The following PARD3 variants were observed in gnomAD, a reference collection of about 807,000 sequenced individuals.
PARD3 encodes partitioning defective 3 homolog.
In PARD3, 75 loss-of-function variants were observed where a neutral mutation model predicts 155.4. That is an observed-to-expected ratio of 0.48 (90% CI 0.40 to 0.58). PARD3 has a LOEUF of 0.58. PARD3 is among the 20% of genes least tolerant of loss of function. PARD3 has a pLI of 0.00. For missense variants in PARD3, 1,642 were observed against 1,721.7 expected, an observed-to-expected ratio of 0.95 and a Z score of 0.82; for synonymous variants, 576 against 610.5, an observed-to-expected ratio of 0.94 and a Z score of 0.83.
chr10:34,372,409 G>A (rs770915987), intron 12 of PARD3, 89 bp downstream of exon 12: 2 of 994,664 alleles, frequency 2.0e-6, no homozygotes, highest in Non-Finnish European at 3.2e-6. Context: ...GGAAAAGGCA[G>A]GACAAGTAAC....
At chr10:34,538,260 T>C (rs116496048) in intron 2 of PARD3, among the ~76,000 whole-genome samples, 2,081 of 152,332 alleles carry the variant, frequency 0.014, 54 homozygotes, top group African/African-American at 0.046. Context: ...AAATATTCCA[T>C]GTGAGATCTT....
chr10:34,735,403 C>T (rs942760773), intron 1 of PARD3, among the ~76,000 whole-genome samples: 4 of 152,222 alleles, frequency 2.6e-5, no homozygotes, highest in Non-Finnish European at 4.4e-5. Flanking sequence ...TATGCAATAA[C>T]GATTACAGGA....
chr10:34,450,307 G>C lies in PARD3; in HGVS notation c.714+10C>G. The C allele has an allele frequency of 1.2e-6, 2 of 1,611,450 alleles. No individual in the cohort carries two copies. The highest frequency in any genetic ancestry group is 1.7e-6 in the Non-Finnish European group (2 of 1,179,092). On this transcript the variant is annotated intron_variant, in intron 5 of 24. Transcript: ENST00000374788. The stretch of plus-strand genomic sequence containing the variant: ...AGCAATGACGCACATATAAGGATTT[G>C]TCATGTTACCTGTTCTTGTTTCTCC...
In PARD3 at chr10:34,476,520, C is replaced by T. The variant is rs76613287; in HGVS notation, c.404-6257G>A. 3.2e-3 allele frequency among the ~76,000 whole-genome samples: 483 copies of T among 152,224 alleles called. 1 individual carries two copies. The highest frequency in any genetic ancestry group is 0.011 in the African/African-American group (467 of 41,526). ...GATCCCTTAGGGCCCAGAGACCACA[C>T]GCTAAGAACCACTGGCCTAGACCTG... On this transcript the variant is annotated intron_variant, in intron 3 of 24. Coordinates refer to ENST00000374788, the MANE Select transcript of PARD3 (RefSeq NM_001184785.2).
At chr10:34,115,963 C>T (rs1283863624) in intron 24 of PARD3, among the ~76,000 whole-genome samples, 2 of 152,172 alleles carry the variant, frequency 1.3e-5, no homozygotes, top group African/African-American at 2.4e-5. Context: ...CCGCCTGCCT[C>T]GGCATCCCAA....
chr10:34,717,167 A>G (rs1228819107), intron 1 of PARD3, among the ~76,000 whole-genome samples: 1 of 152,134 alleles, frequency 6.6e-6, no homozygotes, highest in Non-Finnish European at 1.5e-5. Context: ...ATCAGTAGCC[A>G]CAAAAAGGAC....
At chr10:34,229,151 C>T (rs1382358825) in intron 22 of PARD3, among the ~76,000 whole-genome samples, 1 of 152,092 alleles carries the variant, frequency 6.6e-6, no homozygotes, top group Non-Finnish European at 1.5e-5. Flanking sequence ...CCCAGCTTCT[C>T]AGCATCAGCT....
At position 34,815,020 on chromosome 10, in the gene PARD3, G is replaced by A. The variant is rs766812285; in HGVS notation, c.-25C>T. 1.8e-5 allele frequency: 25 copies of A among 1,401,396 alleles called. No individual in the cohort carries two copies. The highest frequency in any genetic ancestry group is 2.2e-5 in the Non-Finnish European group (24 of 1,071,960). 86.8% of individuals were successfully genotyped at this position (1,401,396 alleles called of 1,614,324 possible). On this transcript the variant is annotated 5_prime_UTR_variant, in exon 1 of 25. Coordinates refer to ENST00000374788, the MANE Select transcript of PARD3 (RefSeq NM_001184785.2). Reference sequence around the variant, plus strand: ...TGCCGCCGCCGCCGCGGGCGGGCCCGCGCCCCTCGCCGAGCGCAGCCGGAG... The same window carrying A: ...TGCCGCCGCCGCCGCGGGCGGGCCCACGCCCCTCGCCGAGCGCAGCCGGAG...
intron 1 of PARD3, among the ~76,000 whole-genome samples, chr10:34,738,240 C>T (rs2094950210): frequency 2.0e-5 from 3 of 152,192 alleles, no homozygotes; most frequent in Admixed American, 1.3e-4. Context: ...GAAAACACTT[C>T]TAATAAGATA....
At chr10:34,520,433 T>C (rs1297964957) in intron 2 of PARD3, among the ~76,000 whole-genome samples, 2 of 151,812 alleles carry the variant, frequency 1.3e-5, no homozygotes, top group Non-Finnish European at 2.9e-5. Context: ...CCTTAATAGT[T>C]ACAAAAAAAA....
At chr10:34,224,440 AGGCACAG>A (rs1396301052) in intron 22 of PARD3, among the ~76,000 whole-genome samples, 1 of 152,240 alleles carries the variant, frequency 6.6e-6, no homozygotes, top group Non-Finnish European at 1.5e-5. Context: ...TGTCTTCCAC[AGGCACAG>A]GGCACAGAGC....
intron 1 of PARD3, among the ~76,000 whole-genome samples, chr10:34,719,876 A>C (rs2094576849): frequency 6.6e-6 from 1 of 152,196 alleles, no homozygotes; most frequent in Admixed American, 6.5e-5. Context: ...AAAATCTAGG[A>C]TGACAAACAA....
At chr10:34,352,580 C>T (rs1256622261) in intron 14 of PARD3, among the ~76,000 whole-genome samples, 1 of 152,234 alleles carries the variant, frequency 6.6e-6, no homozygotes, top group African/African-American at 2.4e-5. Context: ...CTCCTGACCG[C>T]GAGTGATCTG....
chr10:34,321,325 A>C (rs1258780641), intron 19 of PARD3, among the ~76,000 whole-genome samples: 2 of 152,222 alleles, frequency 1.3e-5, no homozygotes, highest in Non-Finnish European at 2.9e-5. Flanking sequence ...ACAAGGTAAG[A>C]ACTAATCATA....
intron 2 of PARD3, among the ~76,000 whole-genome samples, chr10:34,659,065 C>T (rs1287682169): frequency 1.3e-5 from 2 of 152,116 alleles, no homozygotes; most frequent in African/African-American, 2.4e-5. Context: ...GCAATGCAAG[C>T]GCACACACAG....
chr10:34,345,190 A>C (rs777839909), intron 15 of PARD3: 83 of 985,098 alleles, frequency 8.4e-5, no homozygotes, highest in South Asian at 4.2e-4. Flanking sequence ...ATCAGGACTT[A>C]GTTCCTCATC....
rs188193638 is a variant in PARD3, at chr10:34,270,041, T to C, written c.3177-142A>G. Reference sequence around the variant, plus strand: ...GATCAGTGGTATAAATGACAGGTCATACACATTCTAGATTGTTAAGTAATG... The same window carrying C: ...GATCAGTGGTATAAATGACAGGTCACACACATTCTAGATTGTTAAGTAATG... On this transcript the variant is annotated intron_variant, in intron 21 of 24. Coordinates refer to ENST00000374788, the MANE Select transcript of PARD3 (RefSeq NM_001184785.2). 2.0e-5 allele frequency: 16 copies of C among 780,710 alleles called. No homozygotes were observed. The African/African-American group carries it at 2.8e-4, about 14-fold the overall frequency. The allele number at this position is 780,710 out of a possible 1,614,324, so 48.4% of individuals were successfully genotyped here.
intron 2 of PARD3, among the ~76,000 whole-genome samples, chr10:34,563,933 A>AC (rs1460972560): frequency 6.6e-6 from 1 of 152,234 alleles, no homozygotes; most frequent in African/African-American, 2.4e-5. Context: ...TAAAATTCAT[A>AC]CCTGTTTTCA....
chr10:34,169,981 G>A (rs369952568), intron 22 of PARD3, among the ~76,000 whole-genome samples: 2 of 152,292 alleles, frequency 1.3e-5, no homozygotes, highest in South Asian at 2.1e-4. Flanking sequence ...GACATGAGCT[G>A]ACAACACTAG....
Sources: gnomAD v4.1 joint callset for allele counts (sites outside exome capture counted in the v4.1 genomes callset) on GRCh38, gnomAD v4.1.1 for gene constraint, MANE v1.5 for transcripts, NCBI Gene and HGNC (gene_info 2026-07-23, HGNC 2026-07-21) for gene names.